Variants in CAB39 observed in about 807,000 individuals in gnomAD.
CAB39 encodes calcium binding protein 39, also known as calcium-binding protein 39.
In CAB39, 8 loss-of-function variants were observed where a neutral mutation model predicts 40.0. The observed-to-expected ratio is 0.20, with a 90% CI of 0.12 to 0.36. The LOEUF is 0.36. Among genes scored for constraint, CAB39 ranks in the 10% least tolerant of loss-of-function variants. The pLI is 1.00. For missense variants in CAB39, 270 were observed against 401.1 expected, an observed-to-expected ratio of 0.67 and a Z score of 2.79; for synonymous variants, 156 against 141.6, an observed-to-expected ratio of 1.10 and a Z score of -0.72.
At chr2:230,810,740 C>T (rs1395126658) in intron 6 of CAB39, among the ~76,000 whole-genome samples, 1 of 152,250 alleles carries the variant, frequency 6.6e-6, no homozygotes, top group East Asian at 1.9e-4. Context: ...CGGCTCTGCT[C>T]CTGCTCTACT....
At chr2:230,818,348 T>A (rs977729309) in intron 8 of CAB39, among the ~76,000 whole-genome samples, 168 bp from the exon 9 acceptor site, 2 of 152,234 alleles carry the variant, frequency 1.3e-5, no homozygotes, top group Admixed American at 6.5e-5. Flanking sequence ...AATTATTATT[T>A]TTTTTTCCAA....
chr2:230,731,294 CAT>C (rs1694684320), intron 1 of CAB39, among the ~76,000 whole-genome samples: 1 of 152,222 alleles, frequency 6.6e-6, no homozygotes, highest in South Asian at 2.1e-4. Flanking sequence ...AAGACGATCT[CAT>C]ATACTGCTGG....
Position 230,818,785 on chromosome 2 carries a change from G to A in CAB39, c.*81G>A. 9.1e-7 allele frequency: 1 copy of A among 1,097,828 alleles called. No individual in the cohort carries two copies. Among genetic ancestry groups the A allele is most frequent in the Non-Finnish European group, 1.3e-6 (1 of 744,088 alleles). 68.0% of individuals were successfully genotyped at this position (1,097,828 alleles called of 1,614,324 possible). On this transcript the variant is annotated 3_prime_UTR_variant, in exon 9 of 9. Transcript: ENST00000258418. ...GCATCAGGCACTCTTATTGATTCAT[G>A]AGGAACATTACTGCTAATCTGCTGT...
intron 1 of CAB39, among the ~76,000 whole-genome samples, chr2:230,758,781 C>G (rs16827543): frequency 8.5e-4 from 130 of 152,110 alleles, no homozygotes; most frequent in Non-Finnish European, 9.7e-4. Context: ...TTGAAACTTA[C>G]AGTCAGAAAA....
At chr2:230,733,100 G>A (rs1694724042) in intron 1 of CAB39, among the ~76,000 whole-genome samples, 1 of 152,214 alleles carries the variant, frequency 6.6e-6, no homozygotes, top group Non-Finnish European at 1.5e-5. Flanking sequence ...GCACAGGAAA[G>A]TTGACTAGTC....
intron 8 of CAB39, 74 bp from the exon 9 acceptor site, chr2:230,818,442 C>A (rs751587193): frequency 4.9e-6 from 6 of 1,233,168 alleles, no homozygotes; most frequent in Non-Finnish European, 7.0e-6. Context: ...TGCTTTTCTG[C>A]ACTGTGGCCG....
Position 230,745,642 on chromosome 2 carries a change from C to T in CAB39, c.-43-14317C>T, listed in dbSNP as rs114507339. On this transcript the variant is annotated intron_variant, in intron 1 of 8. Coordinates refer to ENST00000258418, the MANE Select transcript of CAB39 (RefSeq NM_016289.4). ...TTTTTTCTTTTTTTTGCAGGGGAGG[C>T]GGGGCCAGAGTTTCGCGCTTGTTGC... Among the ~76,000 whole-genome samples the T allele has an allele frequency of 8.2e-3, 1,253 of 152,012 alleles. 9 individuals are homozygous for T. Among genetic ancestry groups the T allele is most frequent in the African/African-American group, 0.024 (990 of 41,456 alleles).
intron 1 of CAB39, among the ~76,000 whole-genome samples, chr2:230,720,621 C>T (rs1244383912): frequency 6.6e-5 from 10 of 152,096 alleles, no homozygotes; most frequent in African/African-American, 2.4e-4. Flanking sequence ...GGGGTTTCAC[C>T]ATGTTGGCCA....
At chr2:230,772,029 A>T (rs1344989319) in intron 2 of CAB39, among the ~76,000 whole-genome samples, 1 of 152,222 alleles carries the variant, frequency 6.6e-6, no homozygotes, top group Non-Finnish European at 1.5e-5. Context: ...TAATTTTTGG[A>T]TGTTATGCAA....
chr2:230,790,684 TC>T (rs1695878437), intron 2 of CAB39, among the ~76,000 whole-genome samples, 187 bp from the exon 3 acceptor site: 1 of 152,218 alleles, frequency 6.6e-6, no homozygotes, highest in African/African-American at 2.4e-5. Flanking sequence ...TGCATGTTGG[TC>T]CCCATGTGCA....
At chr2:230,734,124 T>C (rs1215357354) in intron 1 of CAB39, among the ~76,000 whole-genome samples, 1 of 152,200 alleles carries the variant, frequency 6.6e-6, no homozygotes, top group African/African-American at 2.4e-5. Flanking sequence ...GCCCCTTGTA[T>C]TAATTGGAAC....
At chr2:230,738,025 A>G (rs924474472) in intron 1 of CAB39, among the ~76,000 whole-genome samples, 2 of 152,144 alleles carry the variant, frequency 1.3e-5, no homozygotes, top group African/African-American at 4.8e-5. Flanking sequence ...TTACAAAGTC[A>G]TTTTTCTCGC....
rs1694508049 is a variant in CAB39 at position 230,724,176 on chromosome 2, G to A, written c.-44+10946G>A. Among the ~76,000 whole-genome samples the A allele has an allele frequency of 2.6e-5, 4 of 151,828 alleles. No individual in the cohort carries two copies. In the South Asian group the frequency reaches 8.3e-4, roughly 32 times the overall value. On this transcript the variant is annotated intron_variant, in intron 1 of 8. Transcript: ENST00000258418. The stretch of plus-strand genomic sequence containing the variant: ...GCATAAGAATTGCTTGAACCCGGGA[G>A]GTGGAGGTTGCAGCGCGCCGAGATT...
At chr2:230,795,262 CA>C (rs1695963215) in intron 4 of CAB39, among the ~76,000 whole-genome samples, 1 of 135,030 alleles carries the variant, frequency 7.4e-6, no homozygotes, top group Non-Finnish European at 1.5e-5. Flanking sequence ...GGTGACAGAG[CA>C]AGACTTGATT....
At chr2:230,765,294 AATAACTGCT>A (rs1695366871) in intron 2 of CAB39, among the ~76,000 whole-genome samples, 1 of 152,150 alleles carries the variant, frequency 6.6e-6, no homozygotes, top group African/African-American at 2.4e-5. Context: ...TGAAGACTGC[AATAACTGCT>A]ATTAAAGTTT....
At chr2:230,808,871 T>C (rs750727673) in intron 5 of CAB39, among the ~76,000 whole-genome samples, 14 of 152,238 alleles carry the variant, frequency 9.2e-5, no homozygotes, top group Admixed American at 2.0e-4. Flanking sequence ...GGTTCATTCA[T>C]TGATTTATTA....
At chr2:230,749,825 C>T (rs920926430) in intron 1 of CAB39, among the ~76,000 whole-genome samples, 6 of 152,072 alleles carry the variant, frequency 3.9e-5, no homozygotes, top group Non-Finnish European at 5.9e-5. Context: ...AGTGTAATTG[C>T]GGGCTTAGAA....
chr2:230,820,188 A>G lies in CAB39; in HGVS notation c.*1484A>G, dbSNP rs186302098. ...GAAGATCACAACTAACAACTGACAA[A>G]TCAGAGTTTGCCAGTTCAAATTCAG... On this transcript the variant is annotated 3_prime_UTR_variant, in exon 9 of 9. Coordinates refer to ENST00000258418, the MANE Select transcript of CAB39 (RefSeq NM_016289.4). 222 of 152,696 alleles carry G rather than the reference A, an allele frequency of 1.5e-3. 2 individuals are homozygous for G. The highest frequency in any genetic ancestry group is 6.3e-4 in the Non-Finnish European group (43 of 68,022). 9.5% of individuals were successfully genotyped at this position (152,696 alleles called of 1,614,324 possible).
At chr2:230,761,982 A>G (rs995947959) in intron 2 of CAB39, among the ~76,000 whole-genome samples, 2 of 152,000 alleles carry the variant, frequency 1.3e-5, no homozygotes, top group African/African-American at 4.8e-5. Context: ...ATCTCAGCTC[A>G]CTGTAACCTC....
Sources: gnomAD v4.1 joint callset for allele counts (sites outside exome capture counted in the v4.1 genomes callset) on GRCh38, gnomAD v4.1.1 for gene constraint, MANE v1.5 for transcripts, NCBI Gene and HGNC (gene_info 2026-07-23, HGNC 2026-07-21) for gene names.